DLGAP1: variants seen among roughly 807,000 people sequenced by gnomAD.
DLGAP1 encodes disks large-associated protein 1.
In DLGAP1, 11 loss-of-function variants were observed where a neutral mutation model predicts 90.8. The ratio of observed to expected loss-of-function variants is 0.12; its 90% CI spans 0.08 to 0.20. The LOEUF is 0.20. Among genes scored for constraint, DLGAP1 ranks in the 10% least tolerant of loss-of-function variants. DLGAP1 has a pLI of 1.00. For synonymous variants in DLGAP1, 558 were observed against 540.7 expected (o/e 1.03, Z -0.44); for missense variants, 1,050 against 1,333.8 (o/e 0.79, Z 3.31).
At chr18:3,508,529 T>C in intron 11 of DLGAP1, 41 bp downstream of exon 11, 6 of 1,473,354 alleles carry the variant, frequency 4.1e-6, no homozygotes, top group Non-Finnish European at 5.6e-6. Context: ...GTTCTTCTCA[T>C]GGCACTAGCA....
intron 1 of DLGAP1, among the ~76,000 whole-genome samples, chr18:4,245,583 T>A (rs1332783520): frequency 6.6e-6 from 1 of 152,192 alleles, no homozygotes; most frequent in Admixed American, 6.5e-5. Context: ...GACTTTCAAA[T>A]GAGCAGCAAG....
intron 7 of DLGAP1, among the ~76,000 whole-genome samples, chr18:3,588,998 A>G (rs1167035667): frequency 4.6e-5 from 7 of 151,988 alleles, no homozygotes; most frequent in Non-Finnish European, 7.4e-5. Flanking sequence ...CCTGGTCAAC[A>G]TGGTGAAACC....
chr18:4,420,461 A>C (rs1263439574), intron 1 of DLGAP1, among the ~76,000 whole-genome samples: 1 of 152,198 alleles, frequency 6.6e-6, no homozygotes, highest in Non-Finnish European at 1.5e-5. Flanking sequence ...ATTTTAAAAT[A>C]ATATAAAGTC....
intron 1 of DLGAP1, among the ~76,000 whole-genome samples, chr18:4,153,203 T>A (rs1167717096): frequency 6.6e-6 from 1 of 152,244 alleles, no homozygotes; most frequent in African/African-American, 2.4e-5. Context: ...CAGTTGATCA[T>A]CAGAGTCATC....
intron 1 of DLGAP1, among the ~76,000 whole-genome samples, chr18:4,200,689 T>C (rs2077591508): frequency 6.6e-6 from 1 of 152,108 alleles, no homozygotes; most frequent in Non-Finnish European, 1.5e-5. Flanking sequence ...AGGGTGATAC[T>C]AAGCACCATT....
At chr18:3,929,062 C>G (rs1213035948) in intron 3 of DLGAP1, among the ~76,000 whole-genome samples, 1 of 152,176 alleles carries the variant, frequency 6.6e-6, no homozygotes, top group African/African-American at 2.4e-5. Context: ...CCGCCTTCTA[C>G]TATCATTGTA....
At chr18:3,676,683 A>C (rs1477185027) in intron 7 of DLGAP1, among the ~76,000 whole-genome samples, 1 of 118,276 alleles carries the variant, frequency 8.5e-6, no homozygotes, top group African/African-American at 3.8e-5. Flanking sequence ...ATTTGAGGCT[A>C]CTTCTCCTGT....
intron 12 of DLGAP1, among the ~76,000 whole-genome samples, chr18:3,501,743 G>A (rs1012379902): frequency 1.1e-4 from 16 of 152,244 alleles, no homozygotes; most frequent in African/African-American, 3.9e-4. Context: ...AAAGCAAAGG[G>A]TTAAAAAAGT....
chr18:4,312,589 C>G (rs2080427783), intron 1 of DLGAP1, among the ~76,000 whole-genome samples: 1 of 152,122 alleles, frequency 6.6e-6, no homozygotes, highest in Non-Finnish European at 1.5e-5. Context: ...GATGTGATCC[C>G]ACCGCAAGAT....
intron 2 of DLGAP1, among the ~76,000 whole-genome samples, chr18:4,094,353 G>A (rs952647845): frequency 6.6e-6 from 1 of 152,040 alleles, no homozygotes; most frequent in Non-Finnish European, 1.5e-5. Flanking sequence ...TATTGAAAAT[G>A]CCTTTATGGT....
intron 3 of DLGAP1, among the ~76,000 whole-genome samples, chr18:3,903,960 C>G (rs1320468594): frequency 6.6e-6 from 1 of 152,180 alleles, no homozygotes; most frequent in Non-Finnish European, 1.5e-5. Context: ...GAGTGAGTCT[C>G]TTTTGCATGA....
intron 7 of DLGAP1, among the ~76,000 whole-genome samples, chr18:3,628,811 A>C (rs1001247729): frequency 2.0e-5 from 3 of 152,204 alleles, no homozygotes; most frequent in Non-Finnish European, 4.4e-5. Context: ...TTGTAATTAC[A>C]TACAACTTGT....
At chr18:3,600,690 C>CTATATAGA (rs1490637191) in intron 7 of DLGAP1, among the ~76,000 whole-genome samples, 642 of 59,792 alleles carry the variant, frequency 0.011, 60 homozygotes, top group African/African-American at 0.049. Flanking sequence ...CTATAGAGAT[C>CTATATAGA]TATATAGATA....
chr18:3,599,795 T>C (rs1045262064), intron 7 of DLGAP1, among the ~76,000 whole-genome samples: 12 of 152,018 alleles, frequency 7.9e-5, no homozygotes, highest in Non-Finnish European at 1.5e-4. Context: ...ATTTTGGTAT[T>C]TTTAGTAGAG....
At chr18:3,714,987 T>C (rs182506338) in intron 7 of DLGAP1, among the ~76,000 whole-genome samples, 1 of 152,294 alleles carries the variant, frequency 6.6e-6, no homozygotes, top group East Asian at 1.9e-4. Context: ...CTCTTTCTTT[T>C]AGATGAAGGC....
intron 2 of DLGAP1, among the ~76,000 whole-genome samples, chr18:4,032,145 G>T (rs966035081): frequency 2.6e-5 from 4 of 152,188 alleles, no homozygotes; most frequent in South Asian, 4.1e-4. Context: ...GATTTAAATG[G>T]AAGGTGATTG....
chr18:3,808,811 G>A (rs953729153), intron 5 of DLGAP1, among the ~76,000 whole-genome samples: 6 of 151,814 alleles, frequency 4.0e-5, no homozygotes, highest in South Asian at 2.1e-4. Flanking sequence ...AGCAAAAAAC[G>A]TATACAAGAT....
chr18:4,372,534 G>A (rs1436293812), intron 1 of DLGAP1, among the ~76,000 whole-genome samples: 2 of 152,240 alleles, frequency 1.3e-5, no homozygotes, highest in East Asian at 1.9e-4. Flanking sequence ...TGGTGTTAGA[G>A]GAAGGGGTAT....
At chr18:3,741,084 A>C (rs1598537361) in intron 6 of DLGAP1, among the ~76,000 whole-genome samples, 1 of 112,594 alleles carries the variant, frequency 8.9e-6, no homozygotes. Context: ...CACCACCATC[A>C]CCATCACCAC....
Sources: gnomAD v4.1 joint callset for allele counts (sites outside exome capture counted in the v4.1 genomes callset) on GRCh38, gnomAD v4.1.1 for gene constraint, MANE v1.5 for transcripts, NCBI Gene and HGNC (gene_info 2026-07-23, HGNC 2026-07-21) for gene names.